The following ZSWIM4 variants were observed in gnomAD, a reference collection of about 807,000 sequenced individuals.
The protein encoded by ZSWIM4 is zinc finger SWIM domain-containing protein 4.
In ZSWIM4, 62 loss-of-function variants were observed where a neutral mutation model predicts 102.5. The observed-to-expected ratio is 0.60, with a 90% CI of 0.49 to 0.75. ZSWIM4 has a LOEUF of 0.75. ZSWIM4 is among the 30% of genes least tolerant of loss of function. ZSWIM4 has a pLI of 0.00. For missense variants in ZSWIM4, 1,280 were observed against 1,529.6 expected (o/e 0.84, Z 2.72); for synonymous variants, 652 against 674.5 (o/e 0.97, Z 0.52).
rs756971838 is a variant in ZSWIM4, at chr19:13,823,351, C to G, written c.2066C>G (p.Pro689Arg). 6.2e-6 allele frequency: 10 copies of G among 1,613,420 alleles called. No individual in the cohort carries two copies. The highest frequency in any genetic ancestry group is 1.7e-4 in the Middle Eastern group (1 of 6,018). Reference sequence around the variant, plus strand: ...TCACTTCTCCCCTTACCCAGGCTGCCCATACTGGAGACAGCATTTCCTGCT... The same window carrying G: ...TCACTTCTCCCCTTACCCAGGCTGCGCATACTGGAGACAGCATTTCCTGCT... ...YRLALRAMRL[P>R]ILETAFPAGE... Residue 689 changes from proline to arginine, a missense_variant, in exon 11 of 14, where the codon CCC becomes CGC. Transcript: ENST00000590508.
intron 3 of ZSWIM4, among the ~76,000 whole-genome samples, chr19:13,807,790 G>GATGGATGGGTGT (rs1555712804): frequency 6.5e-5 from 8 of 122,622 alleles, no homozygotes; most frequent in African/African-American, 2.9e-4. Context: ...TGGATGGATG[G>GATGGATGGGTGT]ATGGGTGTAT....
rs568887443 is a variant in ZSWIM4 at position 13,818,699 on chromosome 19, G to GAA, written c.1925-657_1925-656insAA. Among the ~76,000 whole-genome samples, 349 of 152,156 alleles carry GAA rather than the reference G, an allele frequency of 2.3e-3. 3 individuals are homozygous for GAA. The highest frequency in any genetic ancestry group is 8.2e-3 in the African/African-American group (339 of 41,502). On this transcript the variant is annotated intron_variant, in intron 9 of 13. Coordinates refer to ENST00000590508, the MANE Select transcript of ZSWIM4 (RefSeq NM_001367834.3). The stretch of plus-strand genomic sequence containing the variant: ...CTGCCTCAGCCTCCCGAGTAGCTGG[G>GAA]ATTACAGGCGTGCGCCACCACACCC...
In ZSWIM4 at chr19:13,831,103, C is replaced by A. The variant is rs1975757072; in HGVS notation, c.*53C>A. 1 of 1,506,920 alleles carries A rather than the reference C, an allele frequency of 6.6e-7. No homozygotes were observed. The highest frequency in any genetic ancestry group is 8.8e-7 in the Non-Finnish European group (1 of 1,135,584). 93.3% of individuals were successfully genotyped at this position (1,506,920 alleles called of 1,614,324 possible). ...ATCCCCCTCGCCCCTGCGTCCCCCA[C>A]CCTTGCTCTCCAATTAGGCCCACGT... On this transcript the variant is annotated 3_prime_UTR_variant, in exon 14 of 14. Transcript: ENST00000590508.
chr19:13,808,740 C>CAAAAAAAAAA, intron 3 of ZSWIM4, 96 bp from the exon 4 acceptor site: 1 of 834,238 alleles, frequency 1.2e-6, no homozygotes, highest in Non-Finnish European at 1.6e-6. Flanking sequence ...ACTCCGTCTC[C>CAAAAAAAAAA]AAAAAAAAAA....
intron 11 of ZSWIM4, among the ~76,000 whole-genome samples, chr19:13,823,765 G>A (rs959013244): frequency 6.6e-6 from 1 of 152,196 alleles, no homozygotes; most frequent in Non-Finnish European, 1.5e-5. Context: ...AGGTGCCATG[G>A]AGTGGAATAA....
chr19:13,820,240 G>GT (rs1473676975), intron 10 of ZSWIM4, among the ~76,000 whole-genome samples: 8 of 150,910 alleles, frequency 5.3e-5, no homozygotes, highest in East Asian at 3.9e-4. Flanking sequence ...TTTGTTTTGT[G>GT]TTTTTTTTGT....
chr19:13,830,247 G>T lies in ZSWIM4; in HGVS notation c.2518G>T (p.Glu840Ter). Residue 840 changes from glutamate to a stop codon, truncating the protein, a stop_gained, in exon 14 of 14, where the codon GAG (glutamate) becomes TAG (stop). Coordinates refer to ENST00000590508, the MANE Select transcript of ZSWIM4 (RefSeq NM_001367834.3). LOFTEE classifies it high-confidence loss of function. Reference sequence around the variant, plus strand: ...CTGGTATTCCTTATTCACACCAGTGGAGGCGGCTACCATCGTGGCAGTGAC... The same window carrying T: ...CTGGTATTCCTTATTCACACCAGTGTAGGCGGCTACCATCGTGGCAGTGAC... ...QNWYSLFTPV[E>*]AATIVAVTGT... 1 of 1,613,970 alleles carries T rather than the reference G, an allele frequency of 6.2e-7. No homozygotes were observed. Among genetic ancestry groups the T allele is most frequent in the Non-Finnish European group, 8.5e-7 (1 of 1,180,026 alleles).
intron 1 of ZSWIM4, among the ~76,000 whole-genome samples, chr19:13,799,369 G>T (rs1313715679): frequency 6.7e-6 from 1 of 149,720 alleles, no homozygotes. Flanking sequence ...TGCCTTCCAG[G>T]TTCCAGCGAT....
intron 7 of ZSWIM4, among the ~76,000 whole-genome samples, chr19:13,815,747 G>A (rs1280693581): frequency 6.6e-6 from 1 of 151,700 alleles, no homozygotes; most frequent in Non-Finnish European, 1.5e-5. Flanking sequence ...TGGGATTACA[G>A]GTGTAAGCCA....
chr19:13,803,651 A>G (rs1356327723), intron 2 of ZSWIM4, among the ~76,000 whole-genome samples: 2 of 151,146 alleles, frequency 1.3e-5, no homozygotes, highest in Non-Finnish European at 2.9e-5. Context: ...TAAAAATACA[A>G]AAGATTAGCC....
At chr19:13,800,426 C>T (rs1397201501) in intron 2 of ZSWIM4, among the ~76,000 whole-genome samples, 1 of 152,050 alleles carries the variant, frequency 6.6e-6, no homozygotes, top group Admixed American at 6.6e-5. Context: ...CCACCAAGCC[C>T]GGCTAATTTT....
chr19:13,821,673 C>T (rs1975465991), intron 10 of ZSWIM4, among the ~76,000 whole-genome samples: 1 of 152,076 alleles, frequency 6.6e-6, no homozygotes, highest in South Asian at 2.1e-4. Context: ...AAGCCTCCCA[C>T]CAAGTAACTG....
chr19:13,808,194 C>T (rs1169107435), intron 3 of ZSWIM4, among the ~76,000 whole-genome samples: 1 of 152,138 alleles, frequency 6.6e-6, no homozygotes, highest in Non-Finnish European at 1.5e-5. Flanking sequence ...ACTTCCAACT[C>T]TGGGGATCAT....
In ZSWIM4 at chr19:13,825,415, A is replaced by G. The variant is rs750561803; in HGVS notation, c.2216-135A>G. 6.8e-5 allele frequency: 72 copies of G among 1,053,262 alleles called. 1 individual carries two copies. The Middle Eastern group carries it at 5.7e-3, about 83-fold the overall frequency. 65.2% of individuals were successfully genotyped at this position (1,053,262 alleles called of 1,614,324 possible). ...CTGAGGTCTGAATCTTCACAGAACC[A>G]TGGCCCAGTACACATCCCTCCACAC... is the stretch of plus-strand genomic sequence containing the variant. On this transcript the variant is annotated intron_variant, in intron 11 of 13. Transcript: ENST00000590508. The surrounding 1 kb of genome is among the most constrained non-coding windows in gnomAD (Gnocchi z 4.6).
At chr19:13,799,635 C>A (rs1489678545) in intron 1 of ZSWIM4, 85 bp from the exon 2 acceptor site, 3 of 1,366,866 alleles carry the variant, frequency 2.2e-6, no homozygotes, top group Non-Finnish European at 3.1e-6. Flanking sequence ...GAACTCTTGG[C>A]CTCAAGCGAT....
At chr19:13,811,904 G>A (rs542580876) in intron 5 of ZSWIM4, among the ~76,000 whole-genome samples, 43 of 151,862 alleles carry the variant, frequency 2.8e-4, no homozygotes, top group East Asian at 9.8e-4. Flanking sequence ...GTGAAACCCC[G>A]CCTTTACTAA....
intron 10 of ZSWIM4, among the ~76,000 whole-genome samples, chr19:13,821,196 A>G (rs1191194427): frequency 6.6e-6 from 1 of 151,634 alleles, no homozygotes; most frequent in Non-Finnish European, 1.5e-5. Flanking sequence ...AGACAGGAGA[A>G]TGACTTAAAC....
chr19:13,829,742 G>A (rs1488800531), intron 13 of ZSWIM4, among the ~76,000 whole-genome samples: 4 of 151,622 alleles, frequency 2.6e-5, no homozygotes, highest in African/African-American at 7.3e-5. Context: ...GGAGAATGGC[G>A]TGAACCCAGG....
chr19:13,826,098 A>G (rs1353869367), intron 12 of ZSWIM4, among the ~76,000 whole-genome samples: 2 of 152,104 alleles, frequency 1.3e-5, no homozygotes, highest in Non-Finnish European at 2.9e-5. Context: ...CAAGGTCTGT[A>G]AGTCATGGGA....
Sources: gnomAD v4.1 joint callset for allele counts (sites outside exome capture counted in the v4.1 genomes callset) on GRCh38, gnomAD v4.1.1 for gene constraint, Gnocchi (gnomAD v3.1) non-coding constraint, MANE v1.5 for transcripts, NCBI Gene and HGNC (gene_info 2026-07-23, HGNC 2026-07-21) for gene names.